Variants in PDGFRB observed in about 807,000 individuals in gnomAD.
PDGFRB encodes the protein platelet-derived growth factor receptor beta.
In PDGFRB, 42 loss-of-function variants were observed where a neutral mutation model predicts 120.2. That is an observed-to-expected ratio of 0.35 (90% confidence interval 0.27 to 0.45). PDGFRB has a LOEUF of 0.45. PDGFRB is among the 20% of genes least tolerant of loss of function. The pLI, the probability that PDGFRB is intolerant of heterozygous loss-of-function variation, is 1.00. For missense variants in PDGFRB, 1,149 were observed against 1,476.3 expected (o/e 0.78, Z 3.63); for synonymous variants, 586 against 606.8 (o/e 0.97, Z 0.50).
chr5:150,154,689 C>A (rs1302385436), intron 1 of PDGFRB, among the ~76,000 whole-genome samples: 5 of 152,172 alleles, frequency 3.3e-5, no homozygotes, highest in Non-Finnish European at 5.9e-5. Context: ...GAGGCCTGAG[C>A]AGCTGCCTGG....
chr5:150,155,294 TC>T (rs999560693), intron 1 of PDGFRB, 102 bp downstream of exon 1: 4 of 289,214 alleles, frequency 1.4e-5, no homozygotes, highest in African/African-American at 2.4e-5. Context: ...AAAAATATCT[TC>T]CCTTTTTTTT....
Position 150,135,540 on chromosome 5 carries a change from G to C in PDGFRB, c.364+15C>G, listed in dbSNP as rs1277704061. On this transcript the variant is annotated intron_variant, in intron 3 of 22. Transcript: ENST00000261799. ...AGAGGGGTAAGGAGTGGGCACACAG[G>C]CTGGGAGCCCTTACCTGGCACAAAG... 1.7e-5 allele frequency: 27 copies of C among 1,552,570 alleles called. 1 individual carries two copies. The East Asian group carries it at 1.8e-4, about 10-fold the overall frequency.
In PDGFRB at chr5:150,118,809, G is replaced by A. The variant is rs2113885991; in HGVS notation, c.2842C>T (p.Arg948Trp). The A allele has an allele frequency of 6.2e-7, 1 of 1,613,278 alleles. No homozygotes were observed. The highest frequency in any genetic ancestry group is 8.5e-7 in the Non-Finnish European group (1 of 1,179,302). Residue 948 changes from arginine (R) to tryptophan (W), a missense_variant, in exon 21 of 23, where the codon CGG becomes TGG. Physicochemically the swap from Arg to Trp is moderately radical, Grantham distance 101. Transcript: ENST00000261799. ...AGCACCAGCTGGGAGAAGGGGGGCCGAATCTCAAACTTCTCTTCCCAGCAC... is the reference window on the plus strand; with the variant it reads ...AGCACCAGCTGGGAGAAGGGGGGCCAAATCTCAAACTTCTCTTCCCAGCAC... ...QKCWEEKFEI[R>W]PPFSQLVLLL...
intron 10 of PDGFRB, among the ~76,000 whole-genome samples, chr5:150,127,552 G>A (rs1760328656): frequency 6.6e-6 from 1 of 152,138 alleles, no homozygotes; most frequent in Admixed American, 6.5e-5. Flanking sequence ...TCTTTGGATG[G>A]AGGCTGGGTG....
intron 15 of PDGFRB, 161 bp from the exon 16 acceptor site, chr5:150,122,201 C>A: frequency 8.2e-6 from 5 of 610,286 alleles, no homozygotes; most frequent in South Asian, 2.0e-5. Flanking sequence ...TTTCAACCAA[C>A]CTGCTGGGCC....
Position 150,155,378 on chromosome 5 carries a change from C to T in PDGFRB, c.-7+19G>A. Reference sequence around the variant, plus strand: ...GGACAGGGCATGGGGCTGGGGTTCCCACTTTTTCCAGCACTTACCTTGCTG... The same window carrying T: ...GGACAGGGCATGGGGCTGGGGTTCCTACTTTTTCCAGCACTTACCTTGCTG... On this transcript the variant is annotated intron_variant, in intron 1 of 22. Coordinates refer to ENST00000261799, the MANE Select transcript of PDGFRB (RefSeq NM_002609.4). The T allele has an allele frequency of 2.7e-6, 1 of 372,760 alleles. No individual in the cohort carries two copies. The highest frequency in any genetic ancestry group is 3.8e-5 in the East Asian group (1 of 26,346). 23.1% of individuals were successfully genotyped at this position (372,760 alleles called of 1,614,324 possible).
Position 150,123,027 on chromosome 5 carries a change from C to A in PDGFRB, c.2183+15G>T, listed in dbSNP as rs781044859. The A allele has an allele frequency of 1.9e-6, 3 of 1,608,990 alleles. No homozygotes were observed. The African/African-American group carries it at 4.0e-5, about 21-fold the overall frequency. The stretch of plus-strand genomic sequence containing the variant: ...GGTATCCCAAAGATTCAGTCCCTGG[C>A]CTCCCTCCTGGTACCTGGGCAGGGG... On this transcript the variant is annotated intron_variant, in intron 15 of 22. Transcript: ENST00000261799.
At position 150,135,602 on chromosome 5, in the gene PDGFRB, C is replaced by G. The variant is rs544478083; in HGVS notation, c.317G>C (p.Arg106Pro). 3 of 1,613,550 alleles carry G rather than the reference C, an allele frequency of 1.9e-6. No homozygotes were observed. Among genetic ancestry groups the G allele is most frequent in the East Asian group, 4.5e-5 (2 of 44,874 alleles). Residue 106 changes from arginine to proline, a missense_variant, in exon 3 of 23, where the codon CGT becomes CCT. This residue lies in a region of PDGFRB where 879 missense variants were observed against 1,108.6 expected (regional missense o/e 0.79). Coordinates refer to ENST00000261799, the MANE Select transcript of PDGFRB (RefSeq NM_002609.4). ...TTTCCGCTCATCGGTCTCCAGTCCA[C>G]GGGAGTCATTGTGGGTGCAAAAGTA... is the stretch of plus-strand genomic sequence containing the variant. Reference protein sequence around the residue: ...GEYFCTHNDSRGLETDERKRL... With the variant: ...GEYFCTHNDSPGLETDERKRL...
Position 150,121,360 on chromosome 5 carries a change from C to A in PDGFRB, c.2345-38G>T, listed in dbSNP as rs368092418. 2.2e-5 allele frequency: 21 copies of A among 935,888 alleles called. No homozygotes were observed. In the African/African-American group the frequency reaches 3.2e-4, roughly 14 times the overall value. 58.0% of individuals were successfully genotyped at this position (935,888 alleles called of 1,614,324 possible). A position where few individuals can be genotyped will look rare whatever the true frequency, so the allele number is the denominator to read the frequency against. ...CAGAGGGTCACCTGCTATCTTATATCTCCTTCTGGCCCACAGGACCCCTGC... is the reference window on the plus strand; with the variant it reads ...CAGAGGGTCACCTGCTATCTTATATATCCTTCTGGCCCACAGGACCCCTGC... On this transcript the variant is annotated intron_variant, in intron 16 of 22. Coordinates refer to ENST00000261799, the MANE Select transcript of PDGFRB (RefSeq NM_002609.4). The surrounding 1 kb of genome is among the most constrained non-coding windows in gnomAD (Gnocchi z 4.1).
intron 1 of PDGFRB, among the ~76,000 whole-genome samples, chr5:150,153,124 G>A (rs1029571885): frequency 1.3e-5 from 2 of 152,202 alleles, no homozygotes; most frequent in Non-Finnish European, 2.9e-5. Context: ...TTTAAATCAA[G>A]CCAGGGCAAG....
chr5:150,114,791 G>A lies in PDGFRB; in HGVS notation c.*972C>T, dbSNP rs1055853585. 3 of 233,606 alleles carry A rather than the reference G, an allele frequency of 1.3e-5. No individual in the cohort carries two copies. Among genetic ancestry groups the A allele is most frequent in the Admixed American group, 5.6e-5 (1 of 17,778 alleles). The allele number at this position is 233,606 out of a possible 1,614,324, so 14.5% of individuals were successfully genotyped here. On this transcript the variant is annotated 3_prime_UTR_variant, in exon 23 of 23. Coordinates refer to ENST00000261799, the MANE Select transcript of PDGFRB (RefSeq NM_002609.4). ...TGTTAGTGCTGGCAAGGCACTCAGA[G>A]TTAATAAGTCCGACTTATTCATTTT...
In PDGFRB at chr5:150,124,307, T is replaced by C. The variant is rs1279062746; in HGVS notation, c.1966A>G (p.Ser656Gly). 6.2e-7 allele frequency: 1 copy of C among 1,614,130 alleles called. No individual in the cohort carries two copies. The highest frequency in any genetic ancestry group is 8.5e-7 in the Non-Finnish European group (1 of 1,179,970). Residue 656 changes from serine to glycine, a missense_variant, in exon 14 of 23, where the codon AGT becomes GGT. This residue lies in a region of PDGFRB where 879 missense variants were observed against 1,108.6 expected (regional missense o/e 0.79). Coordinates refer to ENST00000261799, the MANE Select transcript of PDGFRB (RefSeq NM_002609.4). ...ACGTTCAGGTGGGGCCCAAGGTGACTCATGATCTTCAGCTCCGACATAAGG... is the reference window on the plus strand; with the variant it reads ...ACGTTCAGGTGGGGCCCAAGGTGACCCATGATCTTCAGCTCCGACATAAGG... The part of the protein sequence containing the change: ...QALMSELKIM[S>G]HLGPHLNVVN...
rs1226711391 is a variant in PDGFRB at position 150,117,609 on chromosome 5, G to T, written c.3137+9C>A. ...CACAATTTCCTTGGCCCCAGGCCAG[G>T]GTGGTTACCTGGCTAGGCTGGGGGA... On this transcript the variant is annotated intron_variant, in intron 22 of 22. Transcript: ENST00000261799. 1.3e-6 allele frequency: 2 copies of T among 1,519,668 alleles called. No individual in the cohort carries two copies. The highest frequency in any genetic ancestry group is 2.3e-5 in the South Asian group (2 of 88,876). 94.1% of individuals were successfully genotyped at this position (1,519,668 alleles called of 1,614,324 possible). A position where few individuals can be genotyped will look rare whatever the true frequency, so the allele number is the denominator to read the frequency against.
At position 150,124,274 on chromosome 5, in the gene PDGFRB, G is replaced by C. The variant is rs748552750; in HGVS notation, c.1999C>G (p.Leu667Val). The change falls in exon 14 of 23, where the codon CTG becomes GTG. Residue 667 changes from leucine (L) to valine (V), a missense_variant. Leu to Val is a conservative substitution (Grantham distance 32, BLOSUM62 1). Around this residue, in one of 3 missense-constraint regions of PDGFRB, gnomAD observed 879 missense variants for 1,108.6 expected, o/e 0.79. Coordinates refer to ENST00000261799, the MANE Select transcript of PDGFRB (RefSeq NM_002609.4). ...CCTCCTTTGGTGCAGGCCCCCAACA[G>C]GTTGACCACGTTCAGGTGGGGCCCA... ...HLGPHLNVVN[L>V]LGACTKGGPI... 1 of 1,613,784 alleles carries C rather than the reference G, an allele frequency of 6.2e-7. No homozygotes were observed. The highest frequency in any genetic ancestry group is 8.5e-7 in the Non-Finnish European group (1 of 1,179,668).
At position 150,120,798 on chromosome 5, in the gene PDGFRB, A is replaced by G; in HGVS notation, c.2586+90T>C. The G allele has an allele frequency of 1.6e-6, 2 of 1,243,378 alleles. No homozygotes were observed. Among genetic ancestry groups the G allele is most frequent in the South Asian group, 2.6e-5 (2 of 77,066 alleles). The allele number at this position is 1,243,378 out of a possible 1,614,324, so 77.0% of individuals were successfully genotyped here. ...ACAAGGAGCCCCACACAGATTTCCT[A>G]TGAGCTGCAGCCACACTGGTCAGGA... is the stretch of plus-strand genomic sequence containing the variant. On this transcript the variant is annotated intron_variant, in intron 18 of 22. Transcript: ENST00000261799. The surrounding 1 kb of genome is among the most constrained non-coding windows in gnomAD (Gnocchi z 4.3).
intron 1 of PDGFRB, among the ~76,000 whole-genome samples, chr5:150,146,024 A>G (rs560031821): frequency 6.6e-5 from 10 of 152,212 alleles, no homozygotes; most frequent in African/African-American, 2.4e-4. Context: ...TCCATTTTTC[A>G]CAGAGCCCTA....
intron 1 of PDGFRB, among the ~76,000 whole-genome samples, chr5:150,137,951 A>G (rs1221701944): frequency 1.4e-5 from 2 of 145,526 alleles, no homozygotes; most frequent in African/African-American, 2.8e-5. Flanking sequence ...ACTAAGAGAC[A>G]GAAGCAAGGA....
At chr5:150,116,833 C>G (rs1049813646) in intron 22 of PDGFRB, among the ~76,000 whole-genome samples, 1 of 152,120 alleles carries the variant, frequency 6.6e-6, no homozygotes, top group African/African-American at 2.4e-5. Context: ...CCTTCTAAGG[C>G]CGGTGTGCAC....
chr5:150,132,718 T>TC lies in PDGFRB; in HGVS notation c.1127+31dup. ...CTGGCGGCTGCAAAGAAAAATAACT[T>TC]CAAGAATGGGATGGGAGAGCGAGCT... is the stretch of plus-strand genomic sequence containing the variant. On this transcript the variant is annotated intron_variant, in intron 7 of 22. Transcript: ENST00000261799. This position sits in a 1 kb window ranked among gnomAD's most constrained non-coding sequence, Gnocchi z 5.0. The TC allele has an allele frequency of 6.3e-7, 1 of 1,593,256 alleles. No individual in the cohort carries two copies.
Sources: gnomAD v4.1 joint callset for allele counts (sites outside exome capture counted in the v4.1 genomes callset) on GRCh38, gnomAD v4.1.1 for gene constraint, gnomAD v4.1.1 regional missense constraint, Gnocchi (gnomAD v3.1) non-coding constraint, MANE v1.5 for transcripts, NCBI Gene and HGNC (gene_info 2026-07-23, HGNC 2026-07-21) for gene names.